The following FAT2 variants were observed in gnomAD, a reference collection of about 807,000 sequenced individuals.
FAT2 encodes the protein protocadherin Fat 2.
In FAT2, 150 loss-of-function variants were observed where a neutral mutation model predicts 295.3. That is an observed-to-expected ratio of 0.51 (90% CI 0.44 to 0.58). The LOEUF is 0.58. Among genes scored for constraint, FAT2 ranks in the 20% least tolerant of loss-of-function variants. FAT2 has a pLI of 0.00. For synonymous variants in FAT2, 2,026 were observed against 2,150.3 expected, an observed-to-expected ratio of 0.94 and a Z score of 1.60; for missense variants, 4,868 against 5,442.7, an observed-to-expected ratio of 0.89 and a Z score of 3.32.
chr5:151,529,314 C>T lies in FAT2; in HGVS notation c.9890G>A (p.Ser3297Asn), dbSNP rs1754347530. 6.2e-7 allele frequency: 1 copy of T among 1,614,044 alleles called. No homozygotes were observed. The highest frequency in any genetic ancestry group is 1.1e-5 in the South Asian group (1 of 91,078). Reference sequence around the variant, plus strand: ...GGTCACGTCACTGAGGGAAGAGGAGCTCTTCCGGCTGCACTCAATGGACAG... The same window carrying T: ...GGTCACGTCACTGAGGGAAGAGGAGTTCTTCCGGCTGCACTCAATGGACAG... ...YFLSIECSRK[S>N]SSSLSDVTTV... Residue 3297 changes from serine to asparagine, a missense_variant, in exon 15 of 24, where the codon AGC becomes AAC. By Grantham distance (46) the Ser-to-Asn change is conservative. This residue lies in a region of FAT2 where 1,046 missense variants were observed against 1,210.1 expected (regional missense o/e 0.86). Transcript: ENST00000261800.
chr5:151,557,486 G>C lies in FAT2; in HGVS notation c.3575-1084C>G, dbSNP rs568764461. On this transcript the variant is annotated intron_variant, in intron 3 of 23. Coordinates refer to ENST00000261800, the MANE Select transcript of FAT2 (RefSeq NM_001447.3). Reference sequence around the variant, plus strand: ...TTCTGGGACTTTTGCAAGAGCTCTAGAAAGAGACTTTTTTCTGCTGCTGTG... The same window carrying C: ...TTCTGGGACTTTTGCAAGAGCTCTACAAAGAGACTTTTTTCTGCTGCTGTG... Among the ~76,000 whole-genome samples the C allele has an allele frequency of 3.9e-5, 6 of 152,148 alleles. No individual in the cohort carries two copies. The South Asian group carries it at 1.2e-3, about 32-fold the overall frequency.
At position 151,544,127 on chromosome 5, in the gene FAT2, C is replaced by T; in HGVS notation, c.7000G>A (p.Val2334Ile). ...INGSTGEMST[V>I]QELDYEAQQH... ...TGGGCTTCATAATCCAGTTCTTGAA[C>T]TGTGGACATCTCCCCTGTGCTCCCA... The change falls in exon 10 of 24, where the codon GTT (valine) becomes ATT (isoleucine). Residue 2334 changes from valine (V) to isoleucine (I), a missense_variant. Val to Ile is a conservative substitution (Grantham distance 29, BLOSUM62 3). Coordinates refer to ENST00000261800, the MANE Select transcript of FAT2 (RefSeq NM_001447.3). 6.2e-7 allele frequency: 1 copy of T among 1,614,242 alleles called. No individual in the cohort carries two copies. Among genetic ancestry groups the T allele is most frequent in the Non-Finnish European group, 8.5e-7 (1 of 1,180,048 alleles).
intron 14 of FAT2, among the ~76,000 whole-genome samples, chr5:151,530,626 T>C (rs565125182): frequency 6.6e-6 from 1 of 152,340 alleles, no homozygotes; most frequent in Admixed American, 6.5e-5. Context: ...CGAAAAGACA[T>C]TTATGAGAAT....
At chr5:151,573,899 C>T (rs1159080731) in intron 1 of FAT2, among the ~76,000 whole-genome samples, 4 of 152,056 alleles carry the variant, frequency 2.6e-5, no homozygotes, top group South Asian at 2.1e-4. Context: ...GTGGAGGGCT[C>T]CTCATCACTG....
chr5:151,587,985 G>T (rs573622662), intron 1 of FAT2, among the ~76,000 whole-genome samples: 2 of 152,304 alleles, frequency 1.3e-5, no homozygotes, highest in Admixed American at 1.3e-4. Flanking sequence ...GCCAACCCAG[G>T]CAAACTGGCT....
At chr5:151,581,531 G>A (rs375686380) in intron 1 of FAT2, among the ~76,000 whole-genome samples, 2 of 152,216 alleles carry the variant, frequency 1.3e-5, no homozygotes, top group Non-Finnish European at 2.9e-5. Flanking sequence ...TTGCAGAGGC[G>A]CATGCAGCTG....
At chr5:151,570,502 T>C (rs1298349205) in intron 1 of FAT2, among the ~76,000 whole-genome samples, 1 of 152,254 alleles carries the variant, frequency 6.6e-6, no homozygotes, top group Non-Finnish European at 1.5e-5. Flanking sequence ...ATGCTTCGCC[T>C]CTCTTAGACC....
In FAT2 at chr5:151,515,030, T is replaced by C. The variant is rs539170528; in HGVS notation, c.11464-2424A>G. 2.6e-5 allele frequency among the ~76,000 whole-genome samples: 4 copies of C among 152,340 alleles called. No homozygotes were observed. The East Asian group carries it at 7.7e-4, about 29-fold the overall frequency. ...ACCTCAGTTTTCCAGCCAGATATTTTCCTTCTTTCCTGTCCCTTTTCCGCA... is the reference window on the plus strand; with the variant it reads ...ACCTCAGTTTTCCAGCCAGATATTTCCCTTCTTTCCTGTCCCTTTTCCGCA... On this transcript the variant is annotated intron_variant, in intron 20 of 23. Transcript: ENST00000261800.
intron 15 of FAT2, among the ~76,000 whole-genome samples, 177 bp downstream of exon 15, chr5:151,529,001 C>G (rs1180352873): frequency 6.6e-6 from 1 of 152,070 alleles, no homozygotes. Flanking sequence ...GATAGTTTGG[C>G]CGAGCATTGT....
intron 3 of FAT2, among the ~76,000 whole-genome samples, chr5:151,558,302 A>G (rs1328951415): frequency 6.6e-6 from 1 of 152,166 alleles, no homozygotes; most frequent in African/African-American, 2.4e-5. Context: ...TGCTGCACAC[A>G]ATATATTGTT....
chr5:151,515,335 T>G (rs558168793), intron 20 of FAT2, among the ~76,000 whole-genome samples: 15 of 152,368 alleles, frequency 9.8e-5, no homozygotes, highest in Admixed American at 3.9e-4. Context: ...GAGTAATCCT[T>G]GGCCTACTCT....
At chr5:151,552,909 TAG>T (rs1757348311) in intron 6 of FAT2, among the ~76,000 whole-genome samples, 1 of 152,210 alleles carries the variant, frequency 6.6e-6, no homozygotes, top group Non-Finnish European at 1.5e-5. Flanking sequence ...TTAGGTCTCC[TAG>T]GCCCTTGGGG....
chr5:151,532,001 C>T (rs1754676832), intron 13 of FAT2, 31 bp from the exon 14 acceptor site: 1 of 1,608,294 alleles, frequency 6.2e-7, no homozygotes, highest in African/African-American at 1.3e-5. Flanking sequence ...GTGATCCACA[C>T]TGAGGGCGCC....
At chr5:151,533,900 A>G (rs1226144124) in intron 13 of FAT2, among the ~76,000 whole-genome samples, 1 of 152,152 alleles carries the variant, frequency 6.6e-6, no homozygotes, top group Non-Finnish European at 1.5e-5. Context: ...AATGCAATTT[A>G]CCTTGTAAAT....
rs1756477317 is a variant in FAT2, at chr5:151,544,925, G to A, written c.6202C>T (p.Pro2068Ser). 1 of 1,613,952 alleles carries A rather than the reference G, an allele frequency of 6.2e-7. No homozygotes were observed. Among genetic ancestry groups the A allele is most frequent in the African/African-American group, 1.3e-5 (1 of 74,878 alleles). ...TAATAGGGCAGATGCTTAAATTTGG[G>A]GGGATTGTCATTGACATCCTCAATA... ...VSIEDVNDNPPKFKHLPYYTI... is the reference protein window; with the variant it reads ...VSIEDVNDNPSKFKHLPYYTI... The change falls in exon 10 of 24, where the codon CCC becomes TCC. Residue 2068 changes from proline (P) to serine (S), a missense_variant. Transcript: ENST00000261800.
chr5:151,591,910 C>T (rs555091473), upstream of FAT2, among the ~76,000 whole-genome samples: 1 of 152,248 alleles, frequency 6.6e-6, no homozygotes, highest in East Asian at 1.9e-4. Flanking sequence ...TGAGAAAGTC[C>T]CCCATAAAAG....
In FAT2 at chr5:151,537,937, T is replaced by C. The variant is rs1755633547; in HGVS notation, c.9049A>G (p.Thr3017Ala). The change falls in exon 12 of 24, where the codon ACT (threonine) becomes GCT (alanine). Residue 3017 changes from threonine (T) to alanine (A), a missense_variant. Thr to Ala is a moderately conservative substitution (Grantham distance 58). Around this residue, in one of 5 missense-constraint regions of FAT2, gnomAD observed 1,046 missense variants for 1,210.1 expected, o/e 0.86. Transcript: ENST00000261800. The stretch of plus-strand genomic sequence containing the variant: ...AATACATCTTCATGAACCTTGCCAG[T>C]ATAGAGAAGCTAGAGATGGAAAGAC... ...NSPQCSQLLY[T>A]GKVHEDVFPG... 6.2e-7 allele frequency: 1 copy of C among 1,613,752 alleles called. No individual in the cohort carries two copies. The highest frequency in any genetic ancestry group is 1.1e-5 in the South Asian group (1 of 90,986).
chr5:151,505,784 G>T lies in FAT2; in HGVS notation c.12831C>A (p.Tyr4277Ter). The T allele has an allele frequency of 6.2e-7, 1 of 1,614,060 alleles. No homozygotes were observed. Among genetic ancestry groups the T allele is most frequent in the Non-Finnish European group, 8.5e-7 (1 of 1,179,994 alleles). ...CLNEYTAISY[Y>*]HSQFRQGGGG... Reference sequence around the variant, plus strand: ...CCCCTCCCTGCCGGAACTGCGAGTGGTAGTAGCTGATGGCCGTGTACTCAT... The same window carrying T: ...CCCCTCCCTGCCGGAACTGCGAGTGTTAGTAGCTGATGGCCGTGTACTCAT... Residue 4277 changes from tyrosine to a stop codon, truncating the protein, a stop_gained, in exon 24 of 24, where the codon TAC becomes TAA. Coordinates refer to ENST00000261800, the MANE Select transcript of FAT2 (RefSeq NM_001447.3). LOFTEE classifies it high-confidence loss of function.
In FAT2 at chr5:151,567,394, A is replaced by T; in HGVS notation, c.1538T>A (p.Ile513Asn). The T allele has an allele frequency of 6.2e-7, 1 of 1,614,180 alleles. No homozygotes were observed. The highest frequency in any genetic ancestry group is 8.5e-7 in the Non-Finnish European group (1 of 1,180,030). Residue 513 changes from isoleucine to asparagine, a missense_variant, in exon 2 of 24, where the codon ATC becomes AAC. Transcript: ENST00000261800. ...LPFSIDPYLG[I>N]ISTSKPMDYE... ...GTCCATGGGTTTGGAGGTGGAGATG[A>T]TCCCCAGGTAGGGGTCAATAGAAAA...
Sources: gnomAD v4.1 joint callset for allele counts (sites outside exome capture counted in the v4.1 genomes callset) on GRCh38, gnomAD v4.1.1 for gene constraint, gnomAD v4.1.1 regional missense constraint, MANE v1.5 for transcripts, NCBI Gene and HGNC (gene_info 2026-07-23, HGNC 2026-07-21) for gene names.